The following TMTC1 variants were observed in gnomAD, a reference collection of about 807,000 sequenced individuals.
TMTC1 encodes the protein protein O-mannosyl-transferase TMTC1.
Under a neutral mutation model 104.8 loss-of-function variants are expected in TMTC1, and 73 were observed. The observed-to-expected ratio is 0.70, with a 90% confidence interval of 0.58 to 0.85. The LOEUF is 0.85. Among genes scored for constraint, TMTC1 ranks in the 40% least tolerant of loss-of-function variants. The pLI, the probability that TMTC1 is intolerant of heterozygous loss-of-function variation, is 0.00. For synonymous variants in TMTC1, 434 were observed against 428.7 expected (o/e 1.01, Z -0.15); for missense variants, 1,035 against 1,096.1 (o/e 0.94, Z 0.79).
intron 9 of TMTC1, among the ~76,000 whole-genome samples, chr12:29,564,440 AAAGAAGGAGCAGAAAAAGC>A (rs1362732578): frequency 2.0e-5 from 3 of 152,162 alleles, no homozygotes; most frequent in Non-Finnish European, 4.4e-5. Context: ...AGGACAATCT[AAAGAAGGAGCAGAAAAAGC>A]AAGAGAGCAT....
At chr12:29,661,354 C>T in intron 5 of TMTC1, 1 of 979,986 alleles carries the variant, frequency 1.0e-6, no homozygotes, top group Non-Finnish European at 1.2e-6. Context: ...CTTCCATCCA[C>T]AAAATACCTC....
intron 6 of TMTC1, among the ~76,000 whole-genome samples, chr12:29,616,232 T>C (rs16934635): frequency 0.14 from 20,835 of 152,204 alleles, 1,567 homozygotes; most frequent in Middle Eastern, 0.21. Context: ...TTTTGAGAAA[T>C]GCTGGTACAA....
intron 5 of TMTC1, among the ~76,000 whole-genome samples, chr12:29,670,339 G>T (rs1032637639): frequency 6.6e-6 from 1 of 152,146 alleles, no homozygotes; most frequent in African/African-American, 2.4e-5. Flanking sequence ...TGTGCCCCAG[G>T]CATGGTTCTA....
intron 5 of TMTC1, among the ~76,000 whole-genome samples, chr12:29,686,937 AG>A (rs1387668916): frequency 1.3e-5 from 2 of 152,184 alleles, no homozygotes; most frequent in African/African-American, 2.4e-5. Flanking sequence ...GATTGGAATC[AG>A]AATATGGATT....
At chr12:29,588,440 C>A (rs1946197023) in intron 7 of TMTC1, among the ~76,000 whole-genome samples, 1 of 152,208 alleles carries the variant, frequency 6.6e-6, no homozygotes. Context: ...GTTCCTCTAG[C>A]CCCAGCTGCT....
chr12:29,659,172 T>C (rs912391211), intron 5 of TMTC1, among the ~76,000 whole-genome samples: 5 of 152,248 alleles, frequency 3.3e-5, no homozygotes, highest in Admixed American at 2.6e-4. Context: ...CTCTGCACAC[T>C]GTTCTGTAAC....
chr12:29,734,598 T>C (rs1323175728), intron 5 of TMTC1, among the ~76,000 whole-genome samples: 2 of 152,216 alleles, frequency 1.3e-5, no homozygotes, highest in Non-Finnish European at 2.9e-5. Context: ...TATAGAATCA[T>C]ATTTTTAAAA....
In TMTC1 at chr12:29,526,098, G is replaced by T. The variant is rs534940710; in HGVS notation, c.1786-5378C>A. Among the ~76,000 whole-genome samples the T allele has an allele frequency of 7.2e-5, 11 of 152,272 alleles. No individual in the cohort carries two copies. The South Asian group carries it at 2.1e-3, about 29-fold the overall frequency. ...GTAGCAGAAATGTACCTGAAGTTTT[G>T]ATTGTCTTCCCAGGATTATGAGTTT... is the stretch of plus-strand genomic sequence containing the variant. On this transcript the variant is annotated intron_variant, in intron 11 of 17. Transcript: ENST00000539277.
chr12:29,740,068 G>A (rs2136940864), intron 5 of TMTC1, among the ~76,000 whole-genome samples: 1 of 152,242 alleles, frequency 6.6e-6, no homozygotes, highest in South Asian at 2.1e-4. Flanking sequence ...CCAGGCTGAA[G>A]TGCAGTGGTG....
At chr12:29,578,500 T>C (rs1945885944) in intron 8 of TMTC1, among the ~76,000 whole-genome samples, 1 of 152,146 alleles carries the variant, frequency 6.6e-6, no homozygotes. Flanking sequence ...ATTTATTCCA[T>C]AGAGAAATAC....
At chr12:29,520,802 CAA>C in intron 11 of TMTC1, 82 bp from the exon 12 acceptor site, 27 of 940,622 alleles carry the variant, frequency 2.9e-5, no homozygotes, top group South Asian at 5.2e-5. Flanking sequence ...GCAGGAAAAG[CAA>C]AAAAAAAATA....
intron 11 of TMTC1, among the ~76,000 whole-genome samples, chr12:29,523,234 A>G (rs1400736519): frequency 6.6e-6 from 1 of 152,260 alleles, no homozygotes; most frequent in East Asian, 1.9e-4. Context: ...TGAGCAAGAA[A>G]GAGTTCACAG....
chr12:29,666,196 C>A (rs893721132), intron 5 of TMTC1: 2 of 430,992 alleles, frequency 4.6e-6, no homozygotes, highest in Non-Finnish European at 9.1e-6. Context: ...TAAACATCTA[C>A]CCCTTTTCTT....
intron 7 of TMTC1, among the ~76,000 whole-genome samples, chr12:29,586,412 T>C (rs1041870206): frequency 2.6e-5 from 4 of 152,212 alleles, no homozygotes; most frequent in East Asian, 1.9e-4. Context: ...CTTTTCCTAA[T>C]TGAATATCTT....
intron 5 of TMTC1, among the ~76,000 whole-genome samples, chr12:29,662,895 G>T (rs1757622312): frequency 6.6e-6 from 1 of 152,070 alleles, no homozygotes; most frequent in South Asian, 2.1e-4. Context: ...AAGAGAGTTG[G>T]CTTTTAGCAA....
intron 2 of TMTC1, among the ~76,000 whole-genome samples, chr12:29,763,083 T>A (rs535750916): frequency 6.6e-6 from 1 of 152,338 alleles, no homozygotes; most frequent in East Asian, 1.9e-4. Context: ...CAAGTTGGAA[T>A]GAGGCAATCA....
chr12:29,776,911 G>A (rs1301774258), intron 1 of TMTC1, among the ~76,000 whole-genome samples: 3 of 152,190 alleles, frequency 2.0e-5, no homozygotes, highest in Non-Finnish European at 4.4e-5. Context: ...GGTTTGGCCT[G>A]TGCAAAGAAC....
chr12:29,554,495 A>G (rs1350371147), intron 10 of TMTC1, among the ~76,000 whole-genome samples: 1 of 152,236 alleles, frequency 6.6e-6, no homozygotes. Flanking sequence ...GAAAAAGCAG[A>G]GCAGTGTATT....
chr12:29,683,754 ACT>A (rs1940999110), intron 5 of TMTC1, among the ~76,000 whole-genome samples: 1 of 152,138 alleles, frequency 6.6e-6, no homozygotes, highest in South Asian at 2.1e-4. Context: ...TTGCAAATAG[ACT>A]CTCCTAATTA....
Sources: allele counts gnomAD v4.1 joint callset (sites outside exome capture counted in the v4.1 genomes callset), GRCh38; gene constraint gnomAD v4.1.1; transcripts MANE v1.5; gene names NCBI Gene and HGNC (gene_info 2026-07-23, HGNC 2026-07-21).